The following ZFHX3 variants were observed in gnomAD, a reference collection of about 807,000 sequenced individuals.
The protein encoded by ZFHX3 is zinc finger homeobox 3.
In ZFHX3, 42 loss-of-function variants were observed where a neutral mutation model predicts 279.1. That is an observed-to-expected ratio of 0.15 (90% CI 0.12 to 0.19). ZFHX3 has a LOEUF of 0.19. Ranked by LOEUF, ZFHX3 falls within the 10% of genes least tolerant of loss-of-function variation. The pLI, the probability that ZFHX3 is intolerant of heterozygous loss-of-function variation, is 1.00. For missense variants in ZFHX3, 4,981 were observed against 4,754.0 expected (o/e 1.05, Z -1.40); for synonymous variants, 2,293 against 1,957.8 (o/e 1.17, Z -4.52).
intron 5 of ZFHX3, 28 bp downstream of exon 5, chr16:72,829,751 C>A: frequency 6.2e-7 from 1 of 1,610,046 alleles, no homozygotes; most frequent in Non-Finnish European, 8.5e-7. Context: ...ACACACACTA[C>A]CTGTCCACTT....
intron 7 of ZFHX3, among the ~76,000 whole-genome samples, chr16:73,099,958 C>A (rs1004575204): frequency 1.3e-5 from 2 of 152,050 alleles, no homozygotes; most frequent in Non-Finnish European, 2.9e-5. Flanking sequence ...CTTGCATTGT[C>A]TTGAGGACTT....
At chr16:73,570,211 T>C (rs919024535) in intron 2 of ZFHX3, among the ~76,000 whole-genome samples, 1 of 152,166 alleles carries the variant, frequency 6.6e-6, no homozygotes, top group Admixed American at 6.5e-5. Context: ...CCAAAAAAAG[T>C]TAACATATTC....
intron 2 of ZFHX3, among the ~76,000 whole-genome samples, chr16:73,633,762 G>A (rs1458334652): frequency 1.3e-5 from 2 of 152,126 alleles, no homozygotes; most frequent in Non-Finnish European, 2.9e-5. Context: ...GTTGGGCATG[G>A]TGGCACATGC....
intron 1 of ZFHX3, chr16:73,014,576 G>A (rs1333456223): frequency 7.8e-6 from 1 of 128,330 alleles, no homozygotes; most frequent in Non-Finnish European, 1.6e-5. Flanking sequence ...TCACCAGGCT[G>A]GAGTGCAGTG....
rs374104332 is a variant in ZFHX3, at chr16:72,797,948, T to A, written c.4734A>T (p.Gln1578His). Reference sequence around the variant, plus strand: ...GTTCTGGCTGACCGGTTGCTGATTCTTGAAGGGCTCTCTTTAACTTATGCA... The same window carrying A: ...GTTCTGGCTGACCGGTTGCTGATTCATGAAGGGCTCTCTTTAACTTATGCA... ...SHLHKLKRAL[Q>H]ESATGQPEPT... The change falls in exon 9 of 10, where the codon CAA becomes CAT. Residue 1578 changes from glutamine (Q) to histidine (H), a missense_variant. Gln to His is a conservative substitution (Grantham distance 24, BLOSUM62 0). Coordinates refer to ENST00000268489, the MANE Select transcript of ZFHX3 (RefSeq NM_006885.4). 1.9e-6 allele frequency: 3 copies of A among 1,614,118 alleles called. No individual in the cohort carries two copies. The African/African-American group carries it at 4.0e-5, about 22-fold the overall frequency.
intron 2 of ZFHX3, among the ~76,000 whole-genome samples, chr16:73,533,274 C>A (rs2019839921): frequency 6.6e-6 from 1 of 151,632 alleles, no homozygotes. Context: ...AGTGAACTTC[C>A]AAGGACTCCT....
At chr16:73,184,138 C>T (rs1967861518) in intron 5 of ZFHX3, among the ~76,000 whole-genome samples, 2 of 152,044 alleles carry the variant, frequency 1.3e-5, no homozygotes, top group Admixed American at 1.3e-4. Context: ...TGTGACCAGA[C>T]CCTCCCTTCT....
intron 2 of ZFHX3, among the ~76,000 whole-genome samples, chr16:73,542,904 T>A (rs1410118606): frequency 6.6e-6 from 1 of 152,192 alleles, no homozygotes; most frequent in East Asian, 1.9e-4. Context: ...AACTTCACTC[T>A]GTTGTGTAAA....
Position 72,786,998 on chromosome 16 carries a change from A to T in ZFHX3, c.*166T>A. The T allele has an allele frequency of 1.8e-6, 1 of 563,686 alleles. No individual in the cohort carries two copies. The highest frequency in any genetic ancestry group is 2.6e-6 in the Non-Finnish European group (1 of 388,664). The allele number at this position is 563,686 out of a possible 1,614,324, so 34.9% of individuals were successfully genotyped here. On this transcript the variant is annotated 3_prime_UTR_variant, in exon 10 of 10. Transcript: ENST00000268489. ...CAAGAATGTAAAATCACCGGCATAGATAGGTATATGGGAAAACAACCCACG... is the reference window on the plus strand; with the variant it reads ...CAAGAATGTAAAATCACCGGCATAGTTAGGTATATGGGAAAACAACCCACG...
chr16:73,301,212 C>T (rs377190079), intron 4 of ZFHX3, among the ~76,000 whole-genome samples: 47 of 152,308 alleles, frequency 3.1e-4, no homozygotes, highest in African/African-American at 1.1e-3. Context: ...GTGGCCTGGA[C>T]ATAAGGACAT....
At chr16:73,682,825 AAG>A (rs1248336347) in intron 1 of ZFHX3, among the ~76,000 whole-genome samples, 1 of 149,326 alleles carries the variant, frequency 6.7e-6, no homozygotes, top group African/African-American at 2.5e-5. Context: ...AGAAAGAGAA[AAG>A]GAGAGAGAGA....
intron 5 of ZFHX3, among the ~76,000 whole-genome samples, chr16:73,251,830 A>G (rs2013505159): frequency 6.9e-6 from 1 of 145,216 alleles, no homozygotes; most frequent in South Asian, 2.2e-4. Context: ...CACCACACAC[A>G]CACCATGCAC....
In ZFHX3 at chr16:73,526,363, T is replaced by C. The variant is rs566137866; in HGVS notation, c.-1546-70105A>G. ...TTAGACAGAAGCTCCAGAAAATAAATGTTACAGAGAAAGGAGGGGCCAAGT... is the reference window on the plus strand; with the variant it reads ...TTAGACAGAAGCTCCAGAAAATAAACGTTACAGAGAAAGGAGGGGCCAAGT... On this transcript the variant is annotated intron_variant, in intron 2 of 17. Transcript: ENST00000641206. 8.5e-5 allele frequency among the ~76,000 whole-genome samples: 13 copies of C among 152,322 alleles called. No individual in the cohort carries two copies. In the East Asian group the frequency reaches 1.9e-3, roughly 23 times the overall value.
chr16:73,276,176 T>A (rs1158235119), intron 4 of ZFHX3, among the ~76,000 whole-genome samples: 1 of 142,268 alleles, frequency 7.0e-6, no homozygotes, highest in Non-Finnish European at 1.5e-5. Context: ...CCTTTTTCTT[T>A]CTTTTTTTTT....
intron 2 of ZFHX3, among the ~76,000 whole-genome samples, chr16:73,668,502 G>T (rs2052868750): frequency 6.6e-6 from 1 of 151,876 alleles, no homozygotes; most frequent in Non-Finnish European, 1.5e-5. Flanking sequence ...TCCCCTCCCT[G>T]TGTCTATGTG....
At chr16:73,836,514 G>C in intron 1 of ZFHX3, among the ~76,000 whole-genome samples, 1 of 152,170 alleles carries the variant, frequency 6.6e-6, no homozygotes, top group East Asian at 1.9e-4. Context: ...AAATGTAACT[G>C]AAGTAGTCAT....
intron 2 of ZFHX3, among the ~76,000 whole-genome samples, chr16:73,670,534 A>T (rs1186154074): frequency 6.6e-6 from 1 of 152,208 alleles, no homozygotes; most frequent in African/African-American, 2.4e-5. Context: ...GCGTTTTCCC[A>T]AAAGTAGAAA....
intron 2 of ZFHX3, among the ~76,000 whole-genome samples, chr16:73,607,526 T>C (rs2052202834): frequency 6.6e-6 from 1 of 152,236 alleles, no homozygotes; most frequent in Admixed American, 6.5e-5. Flanking sequence ...CCCATTTTTC[T>C]TCTATAAAAT....
At chr16:73,576,810 T>A (rs2143816071) in intron 2 of ZFHX3, among the ~76,000 whole-genome samples, 1 of 152,308 alleles carries the variant, frequency 6.6e-6, no homozygotes, top group Middle Eastern at 3.4e-3. Context: ...GTAAAGATTA[T>A]TTCGTCACCC....
Sources: gnomAD v4.1 joint callset for allele counts (sites outside exome capture counted in the v4.1 genomes callset) on GRCh38, gnomAD v4.1.1 for gene constraint, MANE v1.5 for transcripts, NCBI Gene and HGNC (gene_info 2026-07-23, HGNC 2026-07-21) for gene names.